Variants in ITGA1 observed in about 807,000 individuals in gnomAD.
The protein encoded by ITGA1 is integrin alpha-1.
In ITGA1, 85 loss-of-function variants were observed where a neutral mutation model predicts 145.9. The observed-to-expected ratio is 0.58, with a 90% CI of 0.49 to 0.70. ITGA1 has a LOEUF of 0.70. Among genes scored for constraint, ITGA1 ranks in the 30% least tolerant of loss-of-function variants. The pLI is 0.00. For missense variants in ITGA1, 1,351 were observed against 1,418.7 expected, an observed-to-expected ratio of 0.95 and a Z score of 0.77; for synonymous variants, 520 against 495.3, an observed-to-expected ratio of 1.05 and a Z score of -0.66.
chr5:52,922,979 C>A, intron 18 of ITGA1, 92 bp downstream of exon 18: 1 of 696,096 alleles, frequency 1.4e-6, no homozygotes, highest in Non-Finnish European at 2.4e-6. Flanking sequence ...CTGCATTGAT[C>A]ACAAAGAACG....
intron 17 of ITGA1, among the ~76,000 whole-genome samples, chr5:52,921,169 A>T (rs1750725506): frequency 6.6e-6 from 1 of 152,130 alleles, no homozygotes; most frequent in Admixed American, 6.5e-5. Context: ...AATGTACATG[A>T]GAGTGATAAA....
Position 52,880,236 on chromosome 5 carries a change from T to G in ITGA1, c.625-1637T>G, listed in dbSNP as rs569285120. Among the ~76,000 whole-genome samples the G allele has an allele frequency of 2.0e-5, 3 of 151,338 alleles. No individual in the cohort carries two copies. In the East Asian group the frequency reaches 5.8e-4, roughly 29 times the overall value. ...CCACCACTTCACTATAGGGATTGGGTGTTTTCAACTCAGTTTCCTCACTTA... is the reference window on the plus strand; with the variant it reads ...CCACCACTTCACTATAGGGATTGGGGGTTTTCAACTCAGTTTCCTCACTTA... On this transcript the variant is annotated intron_variant, in intron 6 of 28. Coordinates refer to ENST00000282588, the MANE Select transcript of ITGA1 (RefSeq NM_181501.2).
intron 2 of ITGA1, among the ~76,000 whole-genome samples, chr5:52,859,130 G>A (rs1749560782): frequency 6.6e-6 from 1 of 152,098 alleles, no homozygotes; most frequent in Admixed American, 6.5e-5. Flanking sequence ...ATCAGTGGTA[G>A]TATAATGAAC....
intron 1 of ITGA1, chr5:52,800,864 C>T: frequency 6.2e-7 from 1 of 1,610,848 alleles, no homozygotes; most frequent in Non-Finnish European, 8.5e-7. Flanking sequence ...CCCAGCATGA[C>T]CCTCACTCGG....
chr5:52,788,717 A>T (rs1250925472), intron 1 of ITGA1, among the ~76,000 whole-genome samples: 1 of 152,220 alleles, frequency 6.6e-6, no homozygotes, highest in Non-Finnish European at 1.5e-5. Flanking sequence ...TACACATTGT[A>T]TATTAGGACT....
At position 52,925,279 on chromosome 5, in the gene ITGA1, T is replaced by C; in HGVS notation, c.2405T>C (p.Ile802Thr). ...AATTCTTTCCTGTCATCATTTCAGA[T>C]TCCCTTTGCCAAAGATTGTGGAAAT... ...DSLPNSVHEY[I>T]PFAKDCGNKE... The change falls in exon 19 of 29, where the codon ATT becomes ACT. Residue 802 changes from isoleucine to threonine, a missense_variant and splice_region_variant. Coordinates refer to ENST00000282588, the MANE Select transcript of ITGA1 (RefSeq NM_181501.2). 1 of 1,612,658 alleles carries C rather than the reference T, an allele frequency of 6.2e-7. No individual in the cohort carries two copies. Among genetic ancestry groups the C allele is most frequent in the Non-Finnish European group, 8.5e-7 (1 of 1,178,658 alleles).
chr5:52,904,979 A>G (rs1461599718), intron 11 of ITGA1: 1 of 152,226 alleles, frequency 6.6e-6, no homozygotes, highest in Non-Finnish European at 1.5e-5. Flanking sequence ...CTATTAAAAC[A>G]TACACAAATT....
Position 52,925,442 on chromosome 5 carries a change from G to C in ITGA1, c.2568G>C (p.Arg856Ser). The C allele has an allele frequency of 6.2e-7, 1 of 1,613,998 alleles. No homozygotes were observed. The highest frequency in any genetic ancestry group is 8.5e-7 in the Non-Finnish European group (1 of 1,179,910). The change falls in exon 19 of 29, where the codon AGG (arginine) becomes AGC (serine). Residue 856 changes from arginine (R) to serine (S), a missense_variant. Physicochemically the swap from Arg to Ser is moderately radical, Grantham distance 110 (BLOSUM62 -1). Transcript: ENST00000282588. Reference sequence around the variant, plus strand: ...CAAAGGACAGTGCCTATAACACCAGGACAATAGTGCATTATTCTCCAAATC... The same window carrying C: ...CAAAGGACAGTGCCTATAACACCAGCACAATAGTGCATTATTCTCCAAATC... ...KNTKDSAYNT[R>S]TIVHYSPNLV...
Position 52,947,450 on chromosome 5 carries a change from G to A in ITGA1, c.3484G>A (p.Ala1162Thr). The A allele has an allele frequency of 6.2e-7, 1 of 1,610,930 alleles. No homozygotes were observed. Among genetic ancestry groups the A allele is most frequent in the Non-Finnish European group, 8.5e-7 (1 of 1,177,268 alleles). ...GLLLLMLLIL[A>T]LWKIGFFKRP... Reference sequence around the variant, plus strand: ...GTTGCTGTTAATGCTGCTCATTTTAGCACTGTGGAAGGTAAACACCAAAAT... The same window carrying A: ...GTTGCTGTTAATGCTGCTCATTTTAACACTGTGGAAGGTAAACACCAAAAT... The change falls in exon 28 of 29, where the codon GCA (alanine) becomes ACA (threonine). Residue 1162 changes from alanine (A) to threonine (T), a missense_variant. Coordinates refer to ENST00000282588, the MANE Select transcript of ITGA1 (RefSeq NM_181501.2).
intron 1 of ITGA1, among the ~76,000 whole-genome samples, chr5:52,820,332 T>A (rs1339290718): frequency 2.5e-5 from 3 of 121,296 alleles, no homozygotes; most frequent in African/African-American, 3.3e-5. Context: ...ATGAGAACAC[T>A]TGGACACAGG....
chr5:52,926,514 A>G (rs1013544937), intron 19 of ITGA1, among the ~76,000 whole-genome samples: 2 of 152,118 alleles, frequency 1.3e-5, no homozygotes, highest in Admixed American at 6.5e-5. Flanking sequence ...AGGCAGGAGA[A>G]TCACTTGAAC....
Position 52,842,390 on chromosome 5 carries a change from G to T in ITGA1, c.62-6975G>T, listed in dbSNP as rs150389222. 4.3e-3 allele frequency among the ~76,000 whole-genome samples: 651 copies of T among 152,216 alleles called. 5 individuals are homozygous for T. The highest frequency in any genetic ancestry group is 0.02 in the Middle Eastern group (6 of 294). On this transcript the variant is annotated intron_variant, in intron 1 of 28. Transcript: ENST00000282588. ...GCTATGAAAATAAGTCCATGAATCT[G>T]CTGTCTCATCCCCACTGATGTAACA... is the stretch of plus-strand genomic sequence containing the variant.
chr5:52,836,336 G>A (rs573058496), intron 1 of ITGA1, among the ~76,000 whole-genome samples: 2 of 152,286 alleles, frequency 1.3e-5, no homozygotes, highest in African/African-American at 2.4e-5. Flanking sequence ...GTGGACTGTG[G>A]ACAAGTCCTG....
intron 14 of ITGA1, among the ~76,000 whole-genome samples, chr5:52,911,299 T>C (rs1185425962): frequency 7.4e-6 from 1 of 135,504 alleles, no homozygotes; most frequent in Non-Finnish European, 1.5e-5. Context: ...ATACAGTGTA[T>C]ATATAGTATA....
At chr5:52,812,589 C>T (rs1748698891) in intron 1 of ITGA1, among the ~76,000 whole-genome samples, 1 of 152,076 alleles carries the variant, frequency 6.6e-6, no homozygotes, top group African/African-American at 2.4e-5. Flanking sequence ...TTGGATCTCC[C>T]ACAGGTGAGC....
At position 52,952,470 on chromosome 5, in the gene ITGA1, A is replaced by T; in HGVS notation, c.*19A>T. 2 of 1,131,046 alleles carry T rather than the reference A, an allele frequency of 1.8e-6. No individual in the cohort carries two copies. The highest frequency in any genetic ancestry group is 3.2e-5 in the African/African-American group (2 of 62,644). 70.1% of individuals were successfully genotyped at this position (1,131,046 alleles called of 1,614,324 possible). A position where few individuals can be genotyped will look rare whatever the true frequency, so the allele number is the denominator to read the frequency against. ...GAAATGAAATATTTTATGAAAGAAA[A>T]TAATAACAATTATTCAATAATCTAT... On this transcript the variant is annotated 3_prime_UTR_variant, in exon 29 of 29. Transcript: ENST00000282588.
rs1418053349 is a variant in ITGA1, at chr5:52,795,626, T to A, written c.61+7212T>A. On this transcript the variant is annotated intron_variant, in intron 1 of 28. Transcript: ENST00000282588. ...ATGTACCCCAAAGATTATCCATCAG[T>A]CAACTCTACCAAACCAGTTATTTTT... Among the ~76,000 whole-genome samples the A allele has an allele frequency of 2.0e-5, 3 of 152,058 alleles. No homozygotes were observed. In the East Asian group the frequency reaches 5.8e-4, roughly 29 times the overall value.
intron 5 of ITGA1, 21 bp downstream of exon 5, chr5:52,865,103 T>A: frequency 1.3e-6 from 2 of 1,525,292 alleles, no homozygotes; most frequent in Non-Finnish European, 1.8e-6. Context: ...TATGCAATGT[T>A]CTTGCATGTT....
chr5:52,890,771 A>G (rs1750134469), intron 8 of ITGA1, among the ~76,000 whole-genome samples: 1 of 152,162 alleles, frequency 6.6e-6, no homozygotes, highest in Non-Finnish European at 1.5e-5. Context: ...GAAATATACA[A>G]TATGTTTACT....
Sources: allele counts gnomAD v4.1 joint callset (sites outside exome capture counted in the v4.1 genomes callset), GRCh38; gene constraint gnomAD v4.1.1; transcripts MANE v1.5; gene names NCBI Gene and HGNC (gene_info 2026-07-23, HGNC 2026-07-21).